Variants in NRXN1 observed in about 807,000 individuals in gnomAD.
NRXN1 encodes neurexin-1.
Under a neutral mutation model 150.9 loss-of-function variants are expected in NRXN1, and 39 were observed. The observed-to-expected ratio is 0.26, with a 90% CI of 0.20 to 0.34. The LOEUF (loss-of-function observed/expected upper bound fraction) is 0.34, where lower values mean the gene tolerates loss of function less well. Ranked by LOEUF, NRXN1 falls within the 10% of genes least tolerant of loss-of-function variation. The pLI is 1.00. For missense variants in NRXN1, 1,815 were observed against 1,949.9 expected, an observed-to-expected ratio of 0.93 and a Z score of 1.30; for synonymous variants, 924 against 757.0, an observed-to-expected ratio of 1.22 and a Z score of -3.62.
At chr2:50,076,923 G>A (rs977542488) in intron 19 of NRXN1, among the ~76,000 whole-genome samples, 1 of 152,170 alleles carries the variant, frequency 6.6e-6, no homozygotes, top group Non-Finnish European at 1.5e-5. Context: ...CTGACCTGGT[G>A]AGGACCAACA....
intron 19 of NRXN1, among the ~76,000 whole-genome samples, chr2:50,061,112 T>A (rs1420011827): frequency 6.6e-6 from 1 of 152,220 alleles, no homozygotes; most frequent in East Asian, 1.9e-4. Flanking sequence ...AATGGAAGTA[T>A]ATTATTTTAA....
At chr2:50,533,873 G>C (rs1418131737) in intron 10 of NRXN1, among the ~76,000 whole-genome samples, 1 of 152,106 alleles carries the variant, frequency 6.6e-6, no homozygotes, top group Non-Finnish European at 1.5e-5. Context: ...TGTTACTCCA[G>C]AGAGACCTGC....
chr2:50,442,846 C>A (rs1353849250), intron 17 of NRXN1, among the ~76,000 whole-genome samples: 2 of 151,998 alleles, frequency 1.3e-5, no homozygotes, highest in African/African-American at 4.8e-5. Context: ...GGAGGACAAC[C>A]ATGTGTGTTT....
chr2:50,895,849 G>A (rs1459360026), intron 5 of NRXN1, among the ~76,000 whole-genome samples: 1 of 151,956 alleles, frequency 6.6e-6, no homozygotes, highest in Non-Finnish European at 1.5e-5. Context: ...CAAAGTGCTG[G>A]GATTACAGGC....
chr2:50,947,366 A>C (rs1690566430), intron 2 of NRXN1, among the ~76,000 whole-genome samples: 1 of 152,008 alleles, frequency 6.6e-6, no homozygotes, highest in African/African-American at 2.4e-5. Flanking sequence ...AAATACTATT[A>C]TTTTAAAATA....
intron 2 of NRXN1, among the ~76,000 whole-genome samples, chr2:50,984,267 G>A (rs890116440): frequency 6.7e-5 from 10 of 149,776 alleles, no homozygotes; most frequent in East Asian, 4.0e-4. Context: ...TTACAGGCAT[G>A]AGCCACCAGA....
chr2:50,959,243 G>A (rs7581713), intron 2 of NRXN1, among the ~76,000 whole-genome samples: 36,538 of 151,806 alleles, frequency 0.24, 5,766 homozygotes, highest in East Asian at 0.49. Flanking sequence ...ATGACCCAGT[G>A]ATTCCACTGT....
At chr2:50,389,961 C>A (rs925676231) in intron 17 of NRXN1, among the ~76,000 whole-genome samples, 7 of 152,132 alleles carry the variant, frequency 4.6e-5, no homozygotes, top group Non-Finnish European at 1.0e-4. Flanking sequence ...ATTAAAATTT[C>A]AGACTGGCAT....
At chr2:50,647,696 T>C (rs1207897773) in intron 5 of NRXN1, among the ~76,000 whole-genome samples, 3 of 151,984 alleles carry the variant, frequency 2.0e-5, no homozygotes, top group Non-Finnish European at 2.9e-5. Flanking sequence ...AAAATTTGTA[T>C]ACCAGGATGT....
At chr2:50,738,696 AT>A (rs1699062891) in intron 5 of NRXN1, among the ~76,000 whole-genome samples, 1 of 152,194 alleles carries the variant, frequency 6.6e-6, no homozygotes, top group Non-Finnish European at 1.5e-5. Flanking sequence ...AAATGTTTCA[AT>A]AACCACATAT....
intron 21 of NRXN1, among the ~76,000 whole-genome samples, chr2:49,990,029 C>T (rs147142226): frequency 4.7e-4 from 71 of 151,744 alleles, no homozygotes; most frequent in African/African-American, 1.3e-3. Context: ...GCCTCACTTA[C>T]GGATTAGATC....
At chr2:50,802,203 G>C (rs1176976859) in intron 5 of NRXN1, among the ~76,000 whole-genome samples, 3 of 152,052 alleles carry the variant, frequency 2.0e-5, no homozygotes, top group East Asian at 1.9e-4. Flanking sequence ...TTTGAAAATA[G>C]GGTCTTGGCT....
intron 18 of NRXN1, among the ~76,000 whole-genome samples, chr2:50,170,040 T>G (rs2059931728): frequency 6.6e-6 from 1 of 151,920 alleles, no homozygotes; most frequent in African/African-American, 2.4e-5. Flanking sequence ...TTTTACTTGG[T>G]GACAAATACT....
intron 18 of NRXN1, among the ~76,000 whole-genome samples, chr2:50,172,654 G>C (rs1027217983): frequency 1.2e-4 from 18 of 152,154 alleles, no homozygotes; most frequent in African/African-American, 4.3e-4. Flanking sequence ...TCATTTTTTA[G>C]CCTTTGATTC....
intron 5 of NRXN1, among the ~76,000 whole-genome samples, chr2:50,654,731 G>A (rs1288223608): frequency 3.3e-5 from 5 of 152,062 alleles, no homozygotes; most frequent in South Asian, 4.1e-4. Context: ...TCTAACTGGT[G>A]TGAGATGGTA....
chr2:50,522,707 T>C (rs2092820465), intron 12 of NRXN1, among the ~76,000 whole-genome samples: 1 of 147,810 alleles, frequency 6.8e-6, no homozygotes, highest in Non-Finnish European at 1.5e-5. Flanking sequence ...CATTTATTCA[T>C]TTATTTTTAT....
At chr2:50,251,895 G>A (rs1387734009) in intron 17 of NRXN1, among the ~76,000 whole-genome samples, 1 of 152,036 alleles carries the variant, frequency 6.6e-6, no homozygotes, top group Non-Finnish European at 1.5e-5. Context: ...GTTTGTTTTT[G>A]TAAATTTGCC....
In NRXN1 at chr2:50,534,138, C is replaced by T. The variant is rs541933160; in HGVS notation, c.2144-2708G>A. 1.1e-4 allele frequency among the ~76,000 whole-genome samples: 17 copies of T among 151,892 alleles called. No homozygotes were observed. In the Middle Eastern group the frequency reaches 0.01, roughly 91 times the overall value. ...ACACACACACACACACATACACACACAGTGAGCTAATTTCAATTTGAATAC... is the reference window on the plus strand; with the variant it reads ...ACACACACACACACACATACACACATAGTGAGCTAATTTCAATTTGAATAC... On this transcript the variant is annotated intron_variant, in intron 10 of 22. Transcript: ENST00000401669.
chr2:50,785,042 C>T (rs887354403), intron 5 of NRXN1, among the ~76,000 whole-genome samples: 2 of 152,000 alleles, frequency 1.3e-5, no homozygotes, highest in African/African-American at 4.8e-5. Flanking sequence ...TTATGACACC[C>T]TAATCCCACA....
Sources: allele counts gnomAD v4.1 joint callset (sites outside exome capture counted in the v4.1 genomes callset), GRCh38; gene constraint gnomAD v4.1.1; transcripts MANE v1.5; gene names NCBI Gene and HGNC (gene_info 2026-07-23, HGNC 2026-07-21).